TRMT2B: variants seen among roughly 807,000 people sequenced by gnomAD.
TRMT2B encodes tRNA methyltransferase 2B.
A neutral mutation model predicts 39.7 loss-of-function variants in TRMT2B; 34 were observed. That is an observed-to-expected ratio of 0.86 (90% CI 0.65 to 1.14). TRMT2B has a LOEUF of 1.14. Among genes scored for constraint, TRMT2B ranks in the 50% most tolerant of loss-of-function variants. The pLI is 0.00. For missense variants in TRMT2B, 318 were observed against 377.2 expected (o/e 0.84, Z 1.30); for synonymous variants, 132 against 137.3 (o/e 0.96, Z 0.27).
the TRMT2B span, among the ~76,000 whole-genome samples, chrX:101,000,268 CCACCA>C: frequency 1.8e-5 from 2 of 109,485 alleles, no homozygotes; most frequent in Non-Finnish European, 3.8e-5. Flanking sequence ...CTACAGGCGC[CCACCA>C]CCGTGCCCAG....
At chrX:100,973,489 C>T in the TRMT2B span, among the ~76,000 whole-genome samples, 18 of 110,126 alleles carry the variant, frequency 1.6e-4, no homozygotes, top group African/African-American at 5.0e-4. Flanking sequence ...TCCATCCTCC[C>T]GGCGGTCGGG....
At chrX:101,013,472 C>G (rs1342075899) in intron 13 of TRMT2B, among the ~76,000 whole-genome samples, 2 of 110,866 alleles carry the variant, frequency 1.8e-5, no homozygotes, top group Non-Finnish European at 3.8e-5. Flanking sequence ...GTCATGAAGG[C>G]TGGGTGCGGT....
the TRMT2B span, among the ~76,000 whole-genome samples, chrX:100,991,984 G>C: frequency 9.0e-6 from 1 of 111,208 alleles, no homozygotes. Context: ...CAGTTTGACA[G>C]ATTGGTAGGG....
At chrX:101,043,267 CA>C (rs34679171) in intron 2 of TRMT2B, among the ~76,000 whole-genome samples, 11 of 101,714 alleles carry the variant, frequency 1.1e-4, no homozygotes, top group Admixed American at 4.3e-4. Context: ...AACTCTGTCT[CA>C]AAAAAAAAAA....
At chrX:100,993,065 C>A in the TRMT2B span, among the ~76,000 whole-genome samples, 1 of 112,136 alleles carries the variant, frequency 8.9e-6, no homozygotes, top group East Asian at 2.8e-4. Context: ...CCTTATAGGT[C>A]TTTGATAGGA....
downstream of TRMT2B, among the ~76,000 whole-genome samples, chrX:101,008,413 A>G (rs201346506): frequency 9.9e-4 from 110 of 111,609 alleles, 1 homozygote; most frequent in East Asian, 0.023. Context: ...CCTGAGGTCA[A>G]GAGTTCGAGA....
the TRMT2B span, among the ~76,000 whole-genome samples, chrX:100,981,454 T>C: frequency 9.1e-6 from 1 of 109,789 alleles, no homozygotes; most frequent in Non-Finnish European, 1.9e-5. Context: ...GAAAGGGTGG[T>C]GCTGGTGATT....
At chrX:101,030,481 C>T (rs949386212) in intron 7 of TRMT2B, among the ~76,000 whole-genome samples, 7 of 33,761 alleles carry the variant, frequency 2.1e-4, no homozygotes, top group East Asian at 6.3e-4. Context: ...GATGGAGTCT[C>T]GCTCTTTTAC....
chrX:101,048,305 T>C (rs776757278), intron 2 of TRMT2B, among the ~76,000 whole-genome samples: 1 of 111,178 alleles, frequency 9.0e-6, no homozygotes, highest in South Asian at 3.8e-4. Flanking sequence ...TTGGGGGATT[T>C]CAAATTTTTT....
At chrX:100,978,163 C>G in the TRMT2B span, among the ~76,000 whole-genome samples, 1 of 112,280 alleles carries the variant, frequency 8.9e-6, no homozygotes, top group Non-Finnish European at 1.9e-5. Flanking sequence ...GATCAATATG[C>G]TGAGGAGAAT....
intron 7 of TRMT2B, among the ~76,000 whole-genome samples, chrX:101,026,846 T>C (rs373945794): frequency 9.8e-5 from 11 of 111,913 alleles, no homozygotes; most frequent in South Asian, 7.5e-4. Flanking sequence ...GCACCATCAT[T>C]GCCTTCGCTC....
chrX:101,007,754 G>A (rs67273804), downstream of TRMT2B, among the ~76,000 whole-genome samples: 21,358 of 110,509 alleles, frequency 0.19, 1,601 homozygotes, highest in South Asian at 0.24. Flanking sequence ...TTCTTAAGAG[G>A]GTCTTGCTAT....
At chrX:100,986,639 C>T in the TRMT2B span, among the ~76,000 whole-genome samples, 3 of 112,263 alleles carry the variant, frequency 2.7e-5, no homozygotes, top group Admixed American at 1.9e-4. Context: ...AAATGTCTAG[C>T]TCATCTCATT....
chrX:100,990,559 T>C, the TRMT2B span: 1 of 1,144,954 alleles, frequency 8.7e-7, no homozygotes, highest in Non-Finnish European at 1.2e-6. Context: ...ATCTATATTC[T>C]AGCCATCAAA....
At chrX:100,989,107 G>A in the TRMT2B span, among the ~76,000 whole-genome samples, 2 of 109,842 alleles carry the variant, frequency 1.8e-5, no homozygotes, top group African/African-American at 6.6e-5. Flanking sequence ...ACATTAAAAA[G>A]GCTAATGTGG....
chrX:101,018,940 C>G (rs759639256), intron 13 of TRMT2B, 31 bp downstream of exon 13: 7 of 1,031,493 alleles, frequency 6.8e-6, no homozygotes, highest in South Asian at 3.8e-5. Flanking sequence ...ATAATCAGAA[C>G]AAAAAATTTT....
intron 13 of TRMT2B, among the ~76,000 whole-genome samples, chrX:101,017,585 A>G (rs915801370): frequency 1.8e-5 from 2 of 112,406 alleles, no homozygotes; most frequent in African/African-American, 6.5e-5. Flanking sequence ...GTAAAAAGTG[A>G]GAGAGAAAAA....
chrX:101,051,510 T>C lies in TRMT2B; in HGVS notation c.-283A>G, dbSNP rs1409963991. 2.0e-5 allele frequency: 15 copies of C among 752,311 alleles called. No homozygotes were observed. Among genetic ancestry groups the C allele is most frequent in the Non-Finnish European group, 2.3e-5 (15 of 639,072 alleles). The allele number at this position is 752,311 out of a possible 1,213,427, so 62.0% of individuals were successfully genotyped here. On this transcript the variant is annotated 5_prime_UTR_variant, in exon 2 of 14. Transcript: ENST00000372936. ...AGGCAAGTTCTGCCCACTGTGTCTG[T>C]AGGAAGGGTTAACAAAGAGGAGACA...
the TRMT2B span, among the ~76,000 whole-genome samples, chrX:100,981,112 G>A: frequency 1.8e-5 from 2 of 111,577 alleles, no homozygotes; most frequent in Non-Finnish European, 3.8e-5. Context: ...TGAGTCCTTG[G>A]CTCCAAGCCC....
Sources: allele counts gnomAD v4.1 joint callset (sites outside exome capture counted in the v4.1 genomes callset), GRCh38; gene constraint gnomAD v4.1.1; transcripts MANE v1.5; gene names NCBI Gene and HGNC (gene_info 2026-07-23, HGNC 2026-07-21).